The following FAT1 variants were observed in gnomAD, a reference collection of about 807,000 sequenced individuals.
FAT1 encodes the protein FAT atypical cadherin 1, also known as protocadherin Fat 1.
A neutral mutation model predicts 329.8 loss-of-function variants in FAT1; 171 were observed. The ratio of observed to expected loss-of-function variants is 0.52; its 90% CI spans 0.46 to 0.59. The LOEUF (loss-of-function observed/expected upper bound fraction) is 0.59, where lower values mean the gene tolerates loss of function less well. Among genes scored for constraint, FAT1 ranks in the 20% least tolerant of loss-of-function variants. The probability of loss-of-function intolerance (pLI) is 0.00; values close to 1 mark genes in which losing one functional copy is unlikely to be tolerated. For missense variants in FAT1, 5,672 were observed against 5,774.4 expected, an observed-to-expected ratio of 0.98 and a Z score of 0.57; for synonymous variants, 2,233 against 2,228.6, an observed-to-expected ratio of 1.00 and a Z score of -0.06.
At chr4:186,655,941 G>A (rs868307963) in intron 3 of FAT1, among the ~76,000 whole-genome samples, 2 of 152,216 alleles carry the variant, frequency 1.3e-5, no homozygotes, top group South Asian at 4.1e-4. Context: ...GATCAGGTAC[G>A]ACCGCCAGTA....
rs555353605 is a variant in FAT1, at chr4:186,693,504, G to A, written c.3265+13059C>T. 2.3e-4 allele frequency among the ~76,000 whole-genome samples: 33 copies of A among 142,678 alleles called. 6 individuals carry two copies. In the Middle Eastern group the frequency reaches 0.011, roughly 47 times the overall value. 93.6% of individuals were successfully genotyped at this position (142,678 alleles called of 152,430 possible). The stretch of plus-strand genomic sequence containing the variant: ...TGTAAACGGGTCCAGGACAGGCTGC[G>A]GGATGATCACAGACACAGGGCCTAG... On this transcript the variant is annotated intron_variant, in intron 2 of 26. Coordinates refer to ENST00000441802, the MANE Select transcript of FAT1 (RefSeq NM_005245.4).
At chr4:186,684,396 G>A (rs964339964) in intron 2 of FAT1, among the ~76,000 whole-genome samples, 4 of 152,150 alleles carry the variant, frequency 2.6e-5, no homozygotes, top group Admixed American at 6.5e-5. Context: ...CAGTATCTGC[G>A]AGGGGCTGAA....
intron 10 of FAT1, 142 bp downstream of exon 10, chr4:186,617,566 G>A (rs1739771713): frequency 2.8e-6 from 2 of 712,266 alleles, no homozygotes; most frequent in African/African-American, 1.8e-5. Flanking sequence ...CTCAACAGAT[G>A]TTATTTCTAC....
At chr4:186,643,618 G>A (rs1254331874) in intron 3 of FAT1, among the ~76,000 whole-genome samples, 1 of 152,062 alleles carries the variant, frequency 6.6e-6, no homozygotes, top group Non-Finnish European at 1.5e-5. Flanking sequence ...GGCATTCTGG[G>A]TGTCTTTTCG....
intron 7 of FAT1, among the ~76,000 whole-genome samples, chr4:186,631,274 T>C (rs1338784676): frequency 1.1e-3 from 122 of 112,538 alleles, no homozygotes; most frequent in Middle Eastern, 0.014. Flanking sequence ...TAGTGTCTCA[T>C]CTCCCAGCTG....
intron 2 of FAT1, among the ~76,000 whole-genome samples, chr4:186,697,191 A>C (rs1161667882): frequency 1.3e-5 from 2 of 152,196 alleles, no homozygotes; most frequent in Non-Finnish European, 2.9e-5. Context: ...TAAAGACCAA[A>C]GCCTGGCCTA....
At chr4:186,722,022 G>T (rs1745489607) in intron 1 of FAT1, among the ~76,000 whole-genome samples, 1 of 152,134 alleles carries the variant, frequency 6.6e-6, no homozygotes. Context: ...ATTTTTAGTA[G>T]AGACGGGGTT....
chr4:186,668,030 C>A (rs1198674260), intron 2 of FAT1, among the ~76,000 whole-genome samples: 1 of 152,168 alleles, frequency 6.6e-6, no homozygotes, highest in Non-Finnish European at 1.5e-5. Context: ...AAGGAAGGGT[C>A]TTCCTCATGC....
In FAT1 at chr4:186,603,960, C is replaced by T. The variant is rs1480271550; in HGVS notation, c.10566G>A (p.Lys3522=). 2.5e-6 allele frequency: 4 copies of T among 1,610,780 alleles called. No individual in the cohort carries two copies. Among genetic ancestry groups the T allele is most frequent in the Non-Finnish European group, 3.4e-6 (4 of 1,177,272 alleles). The change falls in exon 19 of 27, where the codon AAG becomes AAA. Residue 3522 remains lysine, a synonymous_variant. Transcript: ENST00000441802. ...LLQVKVADNG[K]PQLSSLTYID... ...TGTATGTCAAAGATGACAACTGAGG[C>T]TTTCCATTATCTGCCACCTACAAGA...
chr4:186,650,079 CA>C (rs1741564245), intron 3 of FAT1, among the ~76,000 whole-genome samples: 2 of 152,064 alleles, frequency 1.3e-5, no homozygotes, highest in Admixed American at 1.3e-4. Context: ...AGACAAAAAG[CA>C]GAGGATTAAA....
chr4:186,593,500 G>A (rs576683119), intron 26 of FAT1, among the ~76,000 whole-genome samples: 1 of 152,168 alleles, frequency 6.6e-6, no homozygotes, highest in African/African-American at 2.4e-5. Context: ...TGTTGACGCG[G>A]TTCAGATAAG....
intron 2 of FAT1, among the ~76,000 whole-genome samples, chr4:186,692,070 T>C (rs1042693853): frequency 9.9e-5 from 15 of 152,098 alleles, no homozygotes; most frequent in Non-Finnish European, 2.1e-4. Context: ...TTCCCCCCCA[T>C]GTATATGTCA....
At chr4:186,643,692 C>T (rs897747684) in intron 3 of FAT1, among the ~76,000 whole-genome samples, 17 of 152,066 alleles carry the variant, frequency 1.1e-4, no homozygotes, top group South Asian at 2.1e-4. Context: ...GAACGCTACC[C>T]GAACCCCCTG....
intron 3 of FAT1, among the ~76,000 whole-genome samples, chr4:186,643,332 G>A (rs1289019834): frequency 6.6e-6 from 1 of 152,146 alleles, no homozygotes. Flanking sequence ...TTTCTGCGGA[G>A]AACACGTAAG....
At chr4:186,669,833 C>T (rs916975107) in intron 2 of FAT1, among the ~76,000 whole-genome samples, 2 of 152,134 alleles carry the variant, frequency 1.3e-5, no homozygotes, top group African/African-American at 4.8e-5. Context: ...CCTGATTATT[C>T]AAAGGTTATA....
chr4:186,600,436 G>C (rs1738757392), intron 21 of FAT1, 76 bp from the exon 22 acceptor site: 9 of 1,298,472 alleles, frequency 6.9e-6, no homozygotes, highest in African/African-American at 2.9e-5. Context: ...AAATCTACAG[G>C]AGAGGGCTTA....
intron 26 of FAT1, chr4:186,590,502 TA>T: frequency 1.4e-6 from 1 of 739,666 alleles, no homozygotes; most frequent in Non-Finnish European, 2.1e-6. Flanking sequence ...GAAAACTGCT[TA>T]CAGAGGCCCA....
intron 21 of FAT1, among the ~76,000 whole-genome samples, 200 bp downstream of exon 21, chr4:186,601,068 TA>T (rs1738789808): frequency 6.6e-6 from 1 of 152,258 alleles, no homozygotes; most frequent in Non-Finnish European, 1.5e-5. Flanking sequence ...CACATGGACC[TA>T]AATCTCTGTC....
intron 21 of FAT1, among the ~76,000 whole-genome samples, chr4:186,600,629 A>G (rs1405991761): frequency 6.6e-6 from 1 of 152,246 alleles, no homozygotes; most frequent in African/African-American, 2.4e-5. Context: ...GTAATATCAA[A>G]AGTCAAAACT....
Sources: allele counts gnomAD v4.1 joint callset (sites outside exome capture counted in the v4.1 genomes callset), GRCh38; gene constraint gnomAD v4.1.1; transcripts MANE v1.5; gene names NCBI Gene and HGNC (gene_info 2026-07-23, HGNC 2026-07-21).